The following MSX2 variants were observed in gnomAD, a reference collection of about 807,000 sequenced individuals.
MSX2 encodes msh homeobox 2.
MSX2 carries 10 observed loss-of-function variants against 18.4 expected under a neutral mutation model. The observed-to-expected ratio is 0.54, with a 90% CI of 0.34 to 0.92. The LOEUF (loss-of-function observed/expected upper bound fraction) is 0.92. Ranked by LOEUF, MSX2 falls within the 40% of genes least tolerant of loss-of-function variation. MSX2 has a pLI of 0.02. For missense variants in MSX2, 339 were observed against 364.0 expected, an observed-to-expected ratio of 0.93 and a Z score of 0.56; for synonymous variants, 170 against 165.6, an observed-to-expected ratio of 1.03 and a Z score of -0.20.
At chr5:174,727,549 G>C (rs1166741848) in intron 1 of MSX2, among the ~76,000 whole-genome samples, 1 of 152,180 alleles carries the variant, frequency 6.6e-6, no homozygotes, top group Non-Finnish European at 1.5e-5. Flanking sequence ...TTTAGAAAGG[G>C]CGAGAATTTT....
chr5:174,724,740 G>T lies in MSX2; in HGVS notation c.81G>T (p.Gly27=), dbSNP rs1760737992. The part of the protein sequence containing the change: ...GPAVVAGPGP[G]PGGAEGAAEE... ...CAGTGGTGGCCGGACCAGGCCCGGG[G>T]CCTGGGGGCGCCGAGGGGGCCGCGG... Residue 27 remains glycine (G), a synonymous_variant, in exon 1 of 2, where the codon GGG becomes GGT. Coordinates refer to ENST00000239243, the MANE Select transcript of MSX2 (RefSeq NM_002449.5). 2 of 1,578,302 alleles carry T rather than the reference G, an allele frequency of 1.3e-6. No homozygotes were observed. The highest frequency in any genetic ancestry group is 2.3e-5 in the South Asian group (2 of 86,908).
chr5:174,724,788 C>T lies in MSX2; in HGVS notation c.129C>T (p.Ser43=). Residue 43 remains serine, a synonymous_variant, in exon 1 of 2, where the codon TCC becomes TCT. Coordinates refer to ENST00000239243, the MANE Select transcript of MSX2 (RefSeq NM_002449.5). The part of the protein sequence containing the change: ...GAAEERRVKV[S]SLPFSVEALM... ...CGGAGGAGCGCCGCGTCAAGGTCTC[C>T]AGCCTGCCCTTCAGCGTGGAGGCGC... 7 of 1,555,042 alleles carry T rather than the reference C, an allele frequency of 4.5e-6. No homozygotes were observed. The highest frequency in any genetic ancestry group is 6.1e-6 in the Non-Finnish European group (7 of 1,149,932).
chr5:174,726,799 T>G (rs543885433), intron 1 of MSX2, among the ~76,000 whole-genome samples: 1 of 152,190 alleles, frequency 6.6e-6, no homozygotes, highest in Non-Finnish European at 1.5e-5. Context: ...CCTACGCCTA[T>G]GCCCAGCCAA....
intron 1 of MSX2, among the ~76,000 whole-genome samples, chr5:174,725,524 C>T (rs1760771930): frequency 6.6e-6 from 1 of 152,112 alleles, no homozygotes; most frequent in African/African-American, 2.4e-5. Flanking sequence ...GATGAGCTAA[C>T]TGGGCTTAGC....
chr5:174,727,789 C>T (rs1365773887), intron 1 of MSX2, among the ~76,000 whole-genome samples: 2 of 152,184 alleles, frequency 1.3e-5, no homozygotes, highest in African/African-American at 2.4e-5. Flanking sequence ...ACAAATCCAT[C>T]TCTTGTTGGA....
At chr5:174,728,435 G>A (rs1449040017) in intron 1 of MSX2, among the ~76,000 whole-genome samples, 1 of 151,948 alleles carries the variant, frequency 6.6e-6, no homozygotes, top group Non-Finnish European at 1.5e-5. Context: ...GCTTGTGACT[G>A]TTTATTGCGT....
rs1216385486 is a variant in MSX2, at chr5:174,729,206, C to T, written c.427C>T (p.Arg143Trp). The change falls in exon 2 of 2, where the codon CGG becomes TGG. Residue 143 changes from arginine to tryptophan, a missense_variant. By Grantham distance (101) the Arg-to-Trp change is moderately radical (BLOSUM62 -3). Transcript: ENST00000239243. ...TCTLRKHKTNRKPRTPFTTSQ... is the reference protein window; with the variant it reads ...TCTLRKHKTNWKPRTPFTTSQ... ...CACCCTGAGGAAACACAAGACCAATCGGAAGCCGCGCACGCCCTTTACCAC... is the reference window on the plus strand; with the variant it reads ...CACCCTGAGGAAACACAAGACCAATTGGAAGCCGCGCACGCCCTTTACCAC... 1 of 1,614,114 alleles carries T rather than the reference C, an allele frequency of 6.2e-7. No homozygotes were observed. Among genetic ancestry groups the T allele is most frequent in the Non-Finnish European group, 8.5e-7 (1 of 1,180,026 alleles).
chr5:174,724,940 C>G lies in MSX2; in HGVS notation c.281C>G (p.Pro94Arg). The change falls in exon 1 of 2, where the codon CCG becomes CGG. Residue 94 changes from proline (P) to arginine (R), a missense_variant. Coordinates refer to ENST00000239243, the MANE Select transcript of MSX2 (RefSeq NM_002449.5). Reference sequence around the variant, plus strand: ...GCTCGGGAAGCGCACAGCCCCGGGCCGCTGGTGAAGCCCTTCGAGACCGCC... The same window carrying G: ...GCTCGGGAAGCGCACAGCCCCGGGCGGCTGGTGAAGCCCTTCGAGACCGCC... ...HGAREAHSPG[P>R]LVKPFETASV... The G allele has an allele frequency of 1.9e-6, 3 of 1,589,210 alleles. No homozygotes were observed. The highest frequency in any genetic ancestry group is 2.6e-6 in the Non-Finnish European group (3 of 1,170,486).
Position 174,730,387 on chromosome 5 carries a change from G to C in MSX2, c.*804G>C, listed in dbSNP as rs180684930. Reference sequence around the variant, plus strand: ...CAAGGCTGTTGGTAACTTTATTTCAGATAATTGGAGAGTAAAATGTTAAAA... The same window carrying C: ...CAAGGCTGTTGGTAACTTTATTTCACATAATTGGAGAGTAAAATGTTAAAA... On this transcript the variant is annotated 3_prime_UTR_variant, in exon 2 of 2. Transcript: ENST00000239243. 20 of 152,282 alleles carry C rather than the reference G, an allele frequency of 1.3e-4. No individual in the cohort carries two copies. Among genetic ancestry groups the C allele is most frequent in the African/African-American group, 4.8e-4 (20 of 41,536 alleles). 9.4% of individuals were successfully genotyped at this position (152,282 alleles called of 1,614,324 possible). A position where few individuals can be genotyped will look rare whatever the true frequency, so the allele number is the denominator to read the frequency against.
At chr5:174,726,945 A>G (rs1284779694) in intron 1 of MSX2, among the ~76,000 whole-genome samples, 1 of 152,174 alleles carries the variant, frequency 6.6e-6, no homozygotes, top group Non-Finnish European at 1.5e-5. Flanking sequence ...TGCTCTGGGT[A>G]AGGCAACCTC....
At chr5:174,726,261 C>T (rs2113494333) in intron 1 of MSX2, among the ~76,000 whole-genome samples, 1 of 152,192 alleles carries the variant, frequency 6.6e-6, no homozygotes, top group East Asian at 1.9e-4. Flanking sequence ...GGACTTTCTC[C>T]AAAGCTGAGA....
rs754908267 is a variant in MSX2, at chr5:174,729,145, T to C, written c.380-14T>C. On this transcript the variant is annotated splice_polypyrimidine_tract_variant and intron_variant, in intron 1 of 1. Coordinates refer to ENST00000239243, the MANE Select transcript of MSX2 (RefSeq NM_002449.5). ...ACTTTCTTTTGCTAATCCGCTCCTC[T>C]CTCTGTTCTCTAGGACATATGAGCC... is the stretch of plus-strand genomic sequence containing the variant. The C allele has an allele frequency of 9.3e-6, 15 of 1,613,270 alleles. No homozygotes were observed. The highest frequency in any genetic ancestry group is 5.0e-5 in the Admixed American group (3 of 59,998).
chr5:174,728,010 A>G (rs569894860), intron 1 of MSX2, among the ~76,000 whole-genome samples: 2 of 152,344 alleles, frequency 1.3e-5, no homozygotes, highest in African/African-American at 2.4e-5. Flanking sequence ...CCACAGCTCT[A>G]TCCTCCTCCG....
rs200114443 is a variant in MSX2, at chr5:174,728,993, G to A, written c.380-166G>A. 0.017 allele frequency among the ~76,000 whole-genome samples: 1,801 copies of A among 108,516 alleles called. 15 individuals are homozygous for A. The highest frequency in any genetic ancestry group is 0.033 in the African/African-American group (978 of 29,752). The allele number at this position is 108,516 out of a possible 152,430, so 71.2% of individuals were successfully genotyped here. On this transcript the variant is annotated intron_variant, in intron 1 of 1. Transcript: ENST00000239243. Reference sequence around the variant, plus strand: ...TGTGTGTGTGTGTGTGTGTGTGTGTGTGTATATGTATGTATATATAGATTT... The same window carrying A: ...TGTGTGTGTGTGTGTGTGTGTGTGTATGTATATGTATGTATATATAGATTT...
intron 1 of MSX2, among the ~76,000 whole-genome samples, chr5:174,728,838 A>C (rs1760857386): frequency 1.3e-5 from 2 of 151,830 alleles, no homozygotes; most frequent in Admixed American, 6.6e-5. Context: ...TTCTTAAAAA[A>C]CTCATTTTTA....
chr5:174,728,965 ATATGTGTGTGTGTGTGTG>A, intron 1 of MSX2, among the ~76,000 whole-genome samples, 176 bp from the exon 2 acceptor site: 1 of 46,878 alleles, frequency 2.1e-5, no homozygotes, highest in South Asian at 1.1e-3. Context: ...CCATACATAG[ATATGTGTGTGTGTGTGTG>A]TGTGTGTGTG....
chr5:174,725,819 T>G (rs1297158191), intron 1 of MSX2, among the ~76,000 whole-genome samples: 1 of 151,892 alleles, frequency 6.6e-6, no homozygotes, highest in East Asian at 1.9e-4. Context: ...GCTCACCAGA[T>G]CGAGATCCTC....
chr5:174,725,774 G>T (rs537400142), intron 1 of MSX2, among the ~76,000 whole-genome samples: 1 of 152,326 alleles, frequency 6.6e-6, no homozygotes, highest in South Asian at 2.1e-4. Context: ...CCGCATTCCA[G>T]CAGGGCTTGA....
chr5:174,724,652 G>C lies in MSX2; in HGVS notation c.-8G>C. The C allele has an allele frequency of 2.5e-6, 4 of 1,585,030 alleles. No individual in the cohort carries two copies. The highest frequency in any genetic ancestry group is 3.4e-6 in the Non-Finnish European group (4 of 1,166,706). On this transcript the variant is annotated 5_prime_UTR_variant, in exon 1 of 2. Transcript: ENST00000239243. ...CGCGCGTCGGGAGCTACGTAGGGCAGAGAAGTCATGGCTTCTCCGTCCAAA... is the reference window on the plus strand; with the variant it reads ...CGCGCGTCGGGAGCTACGTAGGGCACAGAAGTCATGGCTTCTCCGTCCAAA...
Sources: gnomAD v4.1 joint callset for allele counts (sites outside exome capture counted in the v4.1 genomes callset) on GRCh38, gnomAD v4.1.1 for gene constraint, MANE v1.5 for transcripts, NCBI Gene and HGNC (gene_info 2026-07-23, HGNC 2026-07-21) for gene names.